The following GAA variants were observed in gnomAD, a reference collection of about 807,000 sequenced individuals.
The protein encoded by GAA is lysosomal alpha-glucosidase.
In GAA, 88 loss-of-function variants were observed where a neutral mutation model predicts 103.9. That is an observed-to-expected ratio of 0.85 (90% CI 0.71 to 1.01). The LOEUF is 1.01. Ranked by LOEUF, GAA falls within the 50% of genes least tolerant of loss-of-function variation. The pLI, the probability that GAA is intolerant of heterozygous loss-of-function variation, is 0.00. For synonymous variants in GAA, 572 were observed against 563.1 expected (o/e 1.02, Z -0.22); for missense variants, 1,350 against 1,305.3 (o/e 1.03, Z -0.53).
chr17:80,113,672 T>C (rs1371791575), intron 15 of GAA, among the ~76,000 whole-genome samples: 2 of 152,202 alleles, frequency 1.3e-5, no homozygotes, highest in African/African-American at 2.4e-5. Flanking sequence ...TTATTTTTCT[T>C]GCATACCATA....
At position 80,112,245 on chromosome 17, in the gene GAA, G is replaced by A. The variant is rs539025078; in HGVS notation, c.1754+145G>A. ...GGCGGCCCGAGTGCTCTCCCCACCC[G>A]CTGCCTGCACCCCAGCCTGAAGCTG... On this transcript the variant is annotated intron_variant, in intron 12 of 19. Transcript: ENST00000302262. The A allele has an allele frequency of 1.3e-5, 10 of 773,150 alleles. No individual in the cohort carries two copies. The East Asian group carries it at 1.8e-4, about 14-fold the overall frequency. 47.9% of individuals were successfully genotyped at this position (773,150 alleles called of 1,614,324 possible).
rs763027933 is a variant in GAA at position 80,104,633 on chromosome 17, G to C, written c.47G>C (p.Cys16Ser). 1 of 1,612,886 alleles carries C rather than the reference G, an allele frequency of 6.2e-7. No individual in the cohort carries two copies. Among genetic ancestry groups the C allele is most frequent in the African/African-American group, 1.3e-5 (1 of 74,912 alleles). Reference protein sequence around the residue: ...PPCSHRLLAVCALVSLATAAL... With the variant: ...PPCSHRLLAVSALVSLATAAL... Reference sequence around the variant, plus strand: ...TGCTCCCACCGGCTCCTGGCCGTCTGCGCCCTCGTGTCCTTGGCAACCGCT... The same window carrying C: ...TGCTCCCACCGGCTCCTGGCCGTCTCCGCCCTCGTGTCCTTGGCAACCGCT... The change falls in exon 2 of 20, where the codon TGC becomes TCC. Residue 16 changes from cysteine to serine, a missense_variant. Transcript: ENST00000302262. The surrounding 1 kb of genome is among the most constrained non-coding windows in gnomAD (Gnocchi z 4.0).
chr17:80,118,882 G>A (rs1183120351), intron 19 of GAA, 77 bp downstream of exon 19: 2 of 1,543,326 alleles, frequency 1.3e-6, no homozygotes, highest in African/African-American at 2.7e-5. Context: ...GGGCGTCCTG[G>A]TGACCGATGC....
chr17:80,113,966 C>T (rs1233491543), intron 15 of GAA, among the ~76,000 whole-genome samples: 1 of 150,292 alleles, frequency 6.7e-6, no homozygotes, highest in African/African-American at 2.5e-5. Context: ...TGCAGTGAGC[C>T]GAGATCGCGC....
chr17:80,117,133 T>C lies in GAA; in HGVS notation c.2331+24T>C, dbSNP rs2304831. Reference sequence around the variant, plus strand: ...CGGTGAGTCTGGGGACCCTAAGCCCTGGGGAGACGGGAGACCAGAGCAGCC... The same window carrying C: ...CGGTGAGTCTGGGGACCCTAAGCCCCGGGGAGACGGGAGACCAGAGCAGCC... On this transcript the variant is annotated intron_variant, in intron 16 of 19. Transcript: ENST00000302262. 213,309 of 1,608,916 alleles carry C rather than the reference T, an allele frequency of 0.13. 17,068 individuals are homozygous for C. The highest frequency in any genetic ancestry group is 0.39 in the East Asian group (17,371 of 44,826).
chr17:80,114,580 G>A (rs1422164157), intron 15 of GAA, among the ~76,000 whole-genome samples: 1 of 152,102 alleles, frequency 6.6e-6, no homozygotes, highest in Non-Finnish European at 1.5e-5. Flanking sequence ...TTACACGTCT[G>A]TATCCATGAT....
At chr17:80,103,118 A>C (rs908320132) in intron 1 of GAA, among the ~76,000 whole-genome samples, 1 of 152,226 alleles carries the variant, frequency 6.6e-6, no homozygotes, top group African/African-American at 2.4e-5. Flanking sequence ...CTTCTGTAAC[A>C]TGACATGACA....
At chr17:80,116,724 C>G in intron 15 of GAA, 1 of 567,026 alleles carries the variant, frequency 1.8e-6, no homozygotes, top group Non-Finnish European at 3.2e-6. Flanking sequence ...CAAGCACAAG[C>G]CCCTATTCCT....
intron 9 of GAA, 83 bp from the exon 10 acceptor site, chr17:80,110,644 C>T: frequency 1.6e-6 from 2 of 1,221,954 alleles, no homozygotes; most frequent in Middle Eastern, 2.6e-4. Flanking sequence ...GGCTGCCCCT[C>T]TGCTCAGGCT....
At chr17:80,113,141 G>C in intron 14 of GAA, 77 bp from the exon 15 acceptor site, 2 of 1,540,346 alleles carry the variant, frequency 1.3e-6, no homozygotes, top group South Asian at 2.4e-5. Flanking sequence ...GAGAAGTGCA[G>C]CTCTCCCGAG....
intron 16 of GAA, 123 bp downstream of exon 16, chr17:80,117,232 C>A: frequency 4.7e-6 from 5 of 1,059,280 alleles, no homozygotes; most frequent in Non-Finnish European, 7.0e-6. Context: ...GAGTCCCGGC[C>A]ATGTGCCAGG....
chr17:80,103,142 C>T (rs1421886116), intron 1 of GAA, among the ~76,000 whole-genome samples: 2 of 152,204 alleles, frequency 1.3e-5, no homozygotes. Context: ...CAGACTCCCT[C>T]GGGCCCTGAG....
Position 80,108,679 on chromosome 17 carries a change from C to T in GAA, c.1195-18C>T. On this transcript the variant is annotated intron_variant, in intron 7 of 19. Transcript: ENST00000302262. ...GTCTCCTCAGGCCCCAGCAGACGGT[C>T]CCGTGTTGTGGCTGCAGGACGTCCA... The T allele has an allele frequency of 6.2e-7, 1 of 1,612,858 alleles. No homozygotes were observed. Among genetic ancestry groups the T allele is most frequent in the Non-Finnish European group, 8.5e-7 (1 of 1,179,994 alleles).
chr17:80,119,314 C>T lies in GAA; in HGVS notation c.2842C>T (p.Leu948Phe), dbSNP rs769312350. ...CVSLLMGEQF[L>F]VSWC ...CTCGCTGTTGATGGGAGAGCAGTTT[C>T]TCGTCAGCTGGTGTTAGCCGGGCGG... The change falls in exon 20 of 20, where the codon CTC (leucine) becomes TTC (phenylalanine). Residue 948 changes from leucine (L) to phenylalanine (F), a missense_variant. Leu to Phe is a conservative substitution (Grantham distance 22). Transcript: ENST00000302262. The T allele has an allele frequency of 1.4e-5, 23 of 1,613,946 alleles. No homozygotes were observed. Among genetic ancestry groups the T allele is most frequent in the Non-Finnish European group, 1.8e-5 (21 of 1,179,930 alleles).
At chr17:80,105,247 G>A (rs986064835) in intron 2 of GAA, 115 bp downstream of exon 2, 1 of 1,084,510 alleles carries the variant, frequency 9.2e-7, no homozygotes, top group Middle Eastern at 3.0e-4. Flanking sequence ...CTGGGCCCTT[G>A]CTGGGAGCGG....
chr17:80,104,535 C>T lies in GAA; in HGVS notation c.-32-20C>T. 1 of 1,550,224 alleles carries T rather than the reference C, an allele frequency of 6.5e-7. No individual in the cohort carries two copies. The highest frequency in any genetic ancestry group is 1.2e-5 in the South Asian group (1 of 84,926). On this transcript the variant is annotated intron_variant, in intron 1 of 19. Coordinates refer to ENST00000302262, the MANE Select transcript of GAA (RefSeq NM_000152.5). This position sits in a 1 kb window ranked among gnomAD's most constrained non-coding sequence, Gnocchi z 4.0. ...CCGCCCCTCCCGCCTCCCTGCTGAG[C>T]CCGCTTTCTTCTCCCGCAGGCCTGT...
intron 5 of GAA, 43 bp downstream of exon 5, chr17:80,107,939 G>T: frequency 6.5e-7 from 1 of 1,544,872 alleles, no homozygotes; most frequent in Non-Finnish European, 8.8e-7. Flanking sequence ...GGTCTCCTCC[G>T]TGCTGCCTGC....
rs1555600737 is a variant in GAA at position 80,110,729 on chromosome 17, A to G, written c.1440A>G (p.Val480=). Residue 480 remains valine (V), a splice_region_variant and synonymous_variant, in exon 10 of 20, where the codon GTA becomes GTG. Coordinates refer to ENST00000302262, the MANE Select transcript of GAA (RefSeq NM_000152.5). ...CACTGCAGCCTCTCGTTGTCCAGGT[A>G]TGGCCCGGGTCCACTGCCTTCCCCG... ...NETGQPLIGK[V]WPGSTAFPDF... 6.2e-7 allele frequency: 1 copy of G among 1,613,562 alleles called. No homozygotes were observed. The highest frequency in any genetic ancestry group is 1.1e-5 in the South Asian group (1 of 91,064).
At chr17:80,112,351 C>G in intron 12 of GAA, 1 of 649,406 alleles carries the variant, frequency 1.5e-6, no homozygotes, top group East Asian at 2.7e-5. Flanking sequence ...CAGCGGGGAC[C>G]TCATGACTCC....
Sources: gnomAD v4.1 joint callset for allele counts (sites outside exome capture counted in the v4.1 genomes callset) on GRCh38, gnomAD v4.1.1 for gene constraint, Gnocchi (gnomAD v3.1) non-coding constraint, MANE v1.5 for transcripts, NCBI Gene and HGNC (gene_info 2026-07-23, HGNC 2026-07-21) for gene names.